Variants in GREM2 observed in about 807,000 individuals in gnomAD.
The protein encoded by GREM2 is gremlin 2, DAN family BMP antagonist.
Under a neutral mutation model 14.2 loss-of-function variants are expected in GREM2, and 11 were observed. The observed-to-expected ratio is 0.78, with a 90% CI of 0.49 to 1.28. The LOEUF is 1.28. Among genes scored for constraint, GREM2 ranks in the 50% most tolerant of loss-of-function variants. GREM2 has a pLI of 0.00. For synonymous variants in GREM2, 98 were observed against 97.6 expected, an observed-to-expected ratio of 1.00 and a Z score of -0.02; for missense variants, 210 against 218.5, an observed-to-expected ratio of 0.96 and a Z score of 0.24.
At chr1:240,597,022 C>T (rs1030979517) in intron 1 of GREM2, among the ~76,000 whole-genome samples, 1 of 152,186 alleles carries the variant, frequency 6.6e-6, no homozygotes, top group African/African-American at 2.4e-5. Context: ...GAAATTCAGC[C>T]AGTGCCAGAT....
intron 1 of GREM2, among the ~76,000 whole-genome samples, chr1:240,561,618 C>T (rs1006357420): frequency 1.3e-5 from 2 of 151,652 alleles, no homozygotes; most frequent in South Asian, 4.2e-4. Flanking sequence ...AAGAGGCTTT[C>T]ATGGAAAGAA....
chr1:240,521,015 TG>T (rs1222222885), intron 1 of GREM2, among the ~76,000 whole-genome samples: 1 of 152,162 alleles, frequency 6.6e-6, no homozygotes, highest in Non-Finnish European at 1.5e-5. Flanking sequence ...GGTTATTTTT[TG>T]GAAAAGCAGG....
intron 1 of GREM2, among the ~76,000 whole-genome samples, chr1:240,590,284 G>T (rs1013255088): frequency 1.3e-5 from 2 of 152,064 alleles, no homozygotes; most frequent in African/African-American, 2.4e-5. Flanking sequence ...GTAGTATCTC[G>T]ATAGCTTGCC....
intron 1 of GREM2, among the ~76,000 whole-genome samples, chr1:240,608,401 C>G (rs1301182968): frequency 6.6e-6 from 1 of 152,202 alleles, no homozygotes; most frequent in Non-Finnish European, 1.5e-5. Context: ...CATCCATCAA[C>G]TTTCCCAAAA....
At chr1:240,586,796 C>T (rs1222431782) in intron 1 of GREM2, among the ~76,000 whole-genome samples, 1 of 152,130 alleles carries the variant, frequency 6.6e-6, no homozygotes, top group Admixed American at 6.6e-5. Context: ...CAGTTTTTTA[C>T]CCAACCTCTA....
intron 1 of GREM2, among the ~76,000 whole-genome samples, chr1:240,538,830 G>A (rs1678532498): frequency 6.6e-6 from 1 of 152,184 alleles, no homozygotes; most frequent in Admixed American, 6.5e-5. Flanking sequence ...GAAATACTAC[G>A]TGTGGGTGTC....
intron 1 of GREM2, among the ~76,000 whole-genome samples, chr1:240,606,806 G>A (rs1680034758): frequency 6.6e-6 from 1 of 151,612 alleles, no homozygotes; most frequent in Middle Eastern, 3.4e-3. Flanking sequence ...AGCCTCCCAA[G>A]TAGCTGGGAT....
At chr1:240,592,964 T>C (rs1679739842) in intron 1 of GREM2, among the ~76,000 whole-genome samples, 1 of 144,970 alleles carries the variant, frequency 6.9e-6, no homozygotes, top group East Asian at 2.0e-4. Context: ...TGAAACCCCG[T>C]CTCTATTAAA....
chr1:240,505,337 A>T (rs1677654438), intron 1 of GREM2, among the ~76,000 whole-genome samples: 3 of 152,280 alleles, frequency 2.0e-5, no homozygotes, highest in African/African-American at 7.2e-5. Flanking sequence ...TACAGTATGT[A>T]TTGCATATAT....
intron 1 of GREM2, among the ~76,000 whole-genome samples, chr1:240,495,207 C>T (rs758352899): frequency 4.6e-5 from 7 of 152,314 alleles, no homozygotes; most frequent in South Asian, 2.1e-4. Flanking sequence ...CTTTTTACAA[C>T]GGTAGCTACC....
chr1:240,604,920 C>T (rs1461094959), intron 1 of GREM2, among the ~76,000 whole-genome samples: 4 of 152,250 alleles, frequency 2.6e-5, no homozygotes, highest in Non-Finnish European at 5.9e-5. Flanking sequence ...CCCTGGCATG[C>T]TTATACTGGT....
At position 240,492,955 on chromosome 1, in the gene GREM2, G is replaced by A; in HGVS notation, c.*14C>T. 1.3e-6 allele frequency: 2 copies of A among 1,503,030 alleles called. No homozygotes were observed. Among genetic ancestry groups the A allele is most frequent in the Non-Finnish European group, 1.8e-6 (2 of 1,123,084 alleles). The allele number at this position is 1,503,030 out of a possible 1,614,324, so 93.1% of individuals were successfully genotyped here. On this transcript the variant is annotated 3_prime_UTR_variant, in exon 2 of 2. Coordinates refer to ENST00000318160, the MANE Select transcript of GREM2 (RefSeq NM_022469.4). ...CCGGGCGCGCGCGGGGCTGAGCTGC[G>A]TCCGGCCCGGCGCTCACTGCTTGTC...
chr1:240,535,890 C>T (rs138034889), intron 1 of GREM2, among the ~76,000 whole-genome samples: 2,244 of 152,030 alleles, frequency 0.015, 41 homozygotes, highest in Non-Finnish European at 0.017. Context: ...GTCAAGTCTC[C>T]CATGAAAACC....
rs1013748767 is a variant in GREM2, at chr1:240,525,041, T to C, written c.-1-31565A>G. ...AGTTTTCTCTACTTCCTCGGGAACC[T>C]CAGCTACAATTCCATGTGAATGTAA... On this transcript the variant is annotated intron_variant, in intron 1 of 1. Coordinates refer to ENST00000318160, the MANE Select transcript of GREM2 (RefSeq NM_022469.4). Among the ~76,000 whole-genome samples the C allele has an allele frequency of 2.3e-4, 5 of 21,920 alleles. No individual in the cohort carries two copies. In the Admixed American group the frequency reaches 2.9e-3, roughly 13 times the overall value. The allele number at this position is 21,920 out of a possible 152,430, so 14.4% of individuals were successfully genotyped here.
intron 1 of GREM2, chr1:240,590,715 C>T (rs1191289062): frequency 6.6e-6 from 1 of 152,050 alleles, no homozygotes; most frequent in Non-Finnish European, 1.5e-5. Context: ...AGGTGTGAGC[C>T]ACTGCACCCG....
At chr1:240,511,818 C>A (rs1677840269) in intron 1 of GREM2, among the ~76,000 whole-genome samples, 2 of 152,122 alleles carry the variant, frequency 1.3e-5, no homozygotes, top group Admixed American at 1.3e-4. Context: ...GATTCTGGAA[C>A]CAATCCCTTT....
At chr1:240,526,070 G>A (rs961269847) in intron 1 of GREM2, among the ~76,000 whole-genome samples, 1 of 152,088 alleles carries the variant, frequency 6.6e-6, no homozygotes, top group African/African-American at 2.4e-5. Flanking sequence ...TGTTTATATT[G>A]AGCCTGCCTG....
chr1:240,601,633 A>C (rs1017119758), intron 1 of GREM2, among the ~76,000 whole-genome samples: 7 of 152,316 alleles, frequency 4.6e-5, no homozygotes, highest in Admixed American at 4.6e-4. Flanking sequence ...TAGGCCCGGC[A>C]CGGTGGCTCA....
chr1:240,588,660 T>A (rs1380986823), intron 1 of GREM2: 1 of 152,192 alleles, frequency 6.6e-6, no homozygotes, highest in Non-Finnish European at 1.5e-5. Context: ...CCGGAACCTA[T>A]GTTTGTTGAC....
Sources: allele counts gnomAD v4.1 joint callset (sites outside exome capture counted in the v4.1 genomes callset), GRCh38; gene constraint gnomAD v4.1.1; transcripts MANE v1.5; gene names NCBI Gene and HGNC (gene_info 2026-07-23, HGNC 2026-07-21).